Variants in CELSR1 observed in about 807,000 individuals in gnomAD.
The protein encoded by CELSR1 is adhesion G protein-coupled receptor C1.
A neutral mutation model predicts 249.1 loss-of-function variants in CELSR1; 110 were observed. The observed-to-expected ratio is 0.44, with a 90% CI of 0.38 to 0.52. CELSR1 has a LOEUF of 0.52. Ranked by LOEUF, CELSR1 falls within the 20% of genes least tolerant of loss-of-function variation. CELSR1 has a pLI of 0.00. For missense variants in CELSR1, 4,109 were observed against 4,296.4 expected, an observed-to-expected ratio of 0.96 and a Z score of 1.22; for synonymous variants, 2,113 against 1,900.0, an observed-to-expected ratio of 1.11 and a Z score of -2.92.
chr22:46,463,192 C>T (rs1347660438), intron 2 of CELSR1, among the ~76,000 whole-genome samples: 3 of 152,196 alleles, frequency 2.0e-5, no homozygotes, highest in East Asian at 1.9e-4. Flanking sequence ...CCGTGGGCTA[C>T]GGTCAGGGAA....
rs549671820 is a variant in CELSR1, at chr22:46,491,119, C to A, written c.3545-26774G>T. ...ATGGCCAGGACACAGAGCAGCATCC[C>A]CCACCTCCACCTACCAGATGCCAGT... On this transcript the variant is annotated intron_variant, in intron 1 of 34. Coordinates refer to ENST00000674500, the MANE Select transcript of CELSR1 (RefSeq NM_001378328.1). Among the ~76,000 whole-genome samples the A allele has an allele frequency of 3.9e-5, 6 of 152,186 alleles. No individual in the cohort carries two copies. The South Asian group carries it at 1.2e-3, about 32-fold the overall frequency.
At chr22:46,509,120 C>A (rs756748813) in intron 1 of CELSR1, among the ~76,000 whole-genome samples, 1 of 152,210 alleles carries the variant, frequency 6.6e-6, no homozygotes, top group Non-Finnish European at 1.5e-5. Context: ...CCAGGGCCTG[C>A]ACTGAGTGAG....
At chr22:46,493,545 C>CA (rs35527058) in intron 1 of CELSR1, among the ~76,000 whole-genome samples, 304 of 124,712 alleles carry the variant, frequency 2.4e-3, no homozygotes, top group African/African-American at 5.6e-3. Context: ...GACTCCGTCT[C>CA]AAAAAAAAAA....
intron 1 of CELSR1, among the ~76,000 whole-genome samples, chr22:46,519,378 C>G (rs991396152): frequency 6.6e-6 from 1 of 152,246 alleles, no homozygotes; most frequent in Non-Finnish European, 1.5e-5. Flanking sequence ...ACACTTGAAC[C>G]AGCGTGTGTA....
rs1415882572 is a variant in CELSR1 at position 46,377,087 on chromosome 22, T to C, written c.7558A>G (p.Ile2520Val). 6.2e-7 allele frequency: 1 copy of C among 1,613,166 alleles called. No individual in the cohort carries two copies. The highest frequency in any genetic ancestry group is 1.3e-5 in the African/African-American group (1 of 74,876). ...GGGTTTTCCGTCTGGTTGATCCCAATCACGAACACCAGCTGAGAGAGGAAG... is the reference window on the plus strand; with the variant it reads ...GGGTTTTCCGTCTGGTTGATCCCAACCACGAACACCAGCTGAGAGAGGAAG... ...ALFLSQLVFVIGINQTENPFL... is the reference protein window; with the variant it reads ...ALFLSQLVFVVGINQTENPFL... The change falls in exon 24 of 35, where the codon ATT becomes GTT. Residue 2520 changes from isoleucine to valine, a missense_variant. Physicochemically the swap from Ile to Val is conservative, Grantham distance 29 (BLOSUM62 3). Transcript: ENST00000674500.
At position 46,402,436 on chromosome 22, in the gene CELSR1, C is replaced by G. The variant is rs563562066; in HGVS notation, c.5227-2534G>C. On this transcript the variant is annotated intron_variant, in intron 9 of 34. Coordinates refer to ENST00000674500, the MANE Select transcript of CELSR1 (RefSeq NM_001378328.1). This position sits in a 1 kb window ranked among gnomAD's most constrained non-coding sequence, Gnocchi z 5.0. Reference sequence around the variant, plus strand: ...TTCTCCATGTTGGTCAGGCTGGTCTCGAACTCCTGACCTCAGGTGATCTGC... The same window carrying G: ...TTCTCCATGTTGGTCAGGCTGGTCTGGAACTCCTGACCTCAGGTGATCTGC... Among the ~76,000 whole-genome samples the G allele has an allele frequency of 1.3e-5, 2 of 152,164 alleles. No individual in the cohort carries two copies. Among genetic ancestry groups the G allele is most frequent in the East Asian group, 3.9e-4 (2 of 5,166 alleles).
chr22:46,473,953 C>T lies in CELSR1; in HGVS notation c.3545-9608G>A, dbSNP rs1386476871. ...CCTGCGTCTCACGAATGCAGGTTCACGTCACAGGAACAAGGGGACAAGCAC... is the reference window on the plus strand; with the variant it reads ...CCTGCGTCTCACGAATGCAGGTTCATGTCACAGGAACAAGGGGACAAGCAC... On this transcript the variant is annotated intron_variant, in intron 1 of 34. Transcript: ENST00000674500. This position sits in a 1 kb window ranked among gnomAD's most constrained non-coding sequence, Gnocchi z 6.6. Among the ~76,000 whole-genome samples, 5 of 152,132 alleles carry T rather than the reference C, an allele frequency of 3.3e-5. No individual in the cohort carries two copies. Among genetic ancestry groups the T allele is most frequent in the East Asian group, 1.9e-4 (1 of 5,200 alleles).
chr22:46,463,225 G>A (rs2080052485), intron 2 of CELSR1, among the ~76,000 whole-genome samples: 1 of 152,212 alleles, frequency 6.6e-6, no homozygotes, highest in African/African-American at 2.4e-5. Flanking sequence ...CTAAGAAAGT[G>A]CCATTGCTGG....
At chr22:46,387,480 A>G (rs1247187547) in intron 18 of CELSR1, among the ~76,000 whole-genome samples, 1 of 147,342 alleles carries the variant, frequency 6.8e-6, no homozygotes, top group African/African-American at 2.7e-5. Context: ...TCCCGGGTTC[A>G]AGCAATTCTC....
rs1322470357 is a variant in CELSR1 at position 46,428,840 on chromosome 22, G to A, written c.4611+4553C>T. Among the ~76,000 whole-genome samples the A allele has an allele frequency of 6.6e-6, 1 of 152,186 alleles. No homozygotes were observed. The highest frequency in any genetic ancestry group is 1.5e-5 in the Non-Finnish European group (1 of 68,026). On this transcript the variant is annotated intron_variant, in intron 5 of 34. Transcript: ENST00000674500. This position sits in a 1 kb window ranked among gnomAD's most constrained non-coding sequence, Gnocchi z 5.7. The stretch of plus-strand genomic sequence containing the variant: ...GCGGGCCACACTGCCTGGTGTCCAT[G>A]TCAGGCACTACCTCCCCTGCATGTC...
rs892587887 is a variant in CELSR1, at chr22:46,472,635, G to C, written c.3545-8290C>G. On this transcript the variant is annotated intron_variant, in intron 1 of 34. Transcript: ENST00000674500. This position sits in a 1 kb window ranked among gnomAD's most constrained non-coding sequence, Gnocchi z 7.0. Reference sequence around the variant, plus strand: ...GGGGACGGGTGGCATCAGCTCCCGGGGCCGTCGGAGCAAAGGGCCGCCGCT... The same window carrying C: ...GGGGACGGGTGGCATCAGCTCCCGGCGCCGTCGGAGCAAAGGGCCGCCGCT... Among the ~76,000 whole-genome samples, 3 of 152,204 alleles carry C rather than the reference G, an allele frequency of 2.0e-5. No homozygotes were observed. The highest frequency in any genetic ancestry group is 7.2e-5 in the African/African-American group (3 of 41,450).
At position 46,441,866 on chromosome 22, in the gene CELSR1, AAAG is replaced by A. The variant is rs2079753815; in HGVS notation, c.4184-2458_4184-2456del. On this transcript the variant is annotated intron_variant, in intron 2 of 34. Transcript: ENST00000674500. This position sits in a 1 kb window ranked among gnomAD's most constrained non-coding sequence, Gnocchi z 6.1. ...AACTTTATTATCCATTTTTAAAAAT[AAAG>A]AGATCACGGTGGCTCACGCCTGTAA... is the stretch of plus-strand genomic sequence containing the variant. Among the ~76,000 whole-genome samples the A allele has an allele frequency of 6.6e-6, 1 of 152,222 alleles. No homozygotes were observed. The highest frequency in any genetic ancestry group is 2.4e-5 in the African/African-American group (1 of 41,448).
chr22:46,424,706 C>T (rs984657515), intron 5 of CELSR1, among the ~76,000 whole-genome samples: 5 of 152,214 alleles, frequency 3.3e-5, no homozygotes, highest in Non-Finnish European at 7.3e-5. Context: ...GGTGCAGTGG[C>T]TTATGCCTGT....
rs1602097302 is a variant in CELSR1, at chr22:46,410,832, C to G, written c.4770-271G>C. ...CCCCGCCCACCCAGGCTGGTCCACACCGAGACAGGATGTGAGCGCAGGGAG... is the reference window on the plus strand; with the variant it reads ...CCCCGCCCACCCAGGCTGGTCCACAGCGAGACAGGATGTGAGCGCAGGGAG... On this transcript the variant is annotated intron_variant, in intron 6 of 34. Coordinates refer to ENST00000674500, the MANE Select transcript of CELSR1 (RefSeq NM_001378328.1). This position sits in a 1 kb window ranked among gnomAD's most constrained non-coding sequence, Gnocchi z 6.8. 6.6e-6 allele frequency among the ~76,000 whole-genome samples: 1 copy of G among 152,184 alleles called. No homozygotes were observed. Among genetic ancestry groups the G allele is most frequent in the South Asian group, 2.1e-4 (1 of 4,808 alleles).
At chr22:46,371,723 C>A (rs951918017) in intron 25 of CELSR1, among the ~76,000 whole-genome samples, 1 of 151,078 alleles carries the variant, frequency 6.6e-6, no homozygotes, top group African/African-American at 2.4e-5. Context: ...ATCTACCCAC[C>A]CATCCATCCA....
Position 46,535,732 on chromosome 22 carries a change from C to T in CELSR1, c.1439G>A (p.Arg480Gln). ...CTGGTCCCGGTCCGTGGCCTGCACTCGCAGCACAGCCGTGTTGAGCCCCAC... is the reference window on the plus strand; with the variant it reads ...CTGGTCCCGGTCCGTGGCCTGCACTTGCAGCACAGCCGTGTTGAGCCCCAC... ...EDVGLNTAVL[R>Q]VQATDRDQGQ... The change falls in exon 1 of 35, where the codon CGA (arginine) becomes CAA (glutamine). Residue 480 changes from arginine (R) to glutamine (Q), a missense_variant. This residue lies in a region of CELSR1 where 135 missense variants were observed against 190.0 expected (regional missense o/e 0.71). Transcript: ENST00000674500. 1 of 1,612,598 alleles carries T rather than the reference C, an allele frequency of 6.2e-7. No homozygotes were observed. The highest frequency in any genetic ancestry group is 1.1e-5 in the South Asian group (1 of 91,072).
chr22:46,465,110 C>A (rs942833193), intron 1 of CELSR1, among the ~76,000 whole-genome samples: 3 of 152,164 alleles, frequency 2.0e-5, no homozygotes, highest in African/African-American at 7.2e-5. Context: ...CGGTTCCAGG[C>A]CCAGAATTGG....
chr22:46,479,695 G>A (rs564461283), intron 1 of CELSR1, among the ~76,000 whole-genome samples: 2 of 151,210 alleles, frequency 1.3e-5, no homozygotes, highest in Non-Finnish European at 3.0e-5. Flanking sequence ...TATCACAGCC[G>A]GGAAGCAGCA....
rs2079586862 is a variant in CELSR1 at position 46,430,798 on chromosome 22, G to C, written c.4611+2595C>G. On this transcript the variant is annotated intron_variant, in intron 5 of 34. Transcript: ENST00000674500. The surrounding 1 kb of genome is among the most constrained non-coding windows in gnomAD (Gnocchi z 4.6). ...CCCAACCTGACTGGTCCTGCCCCCA[G>C]CTCAGGTGCACTCCAGAGGAGGCCT... 6.6e-6 allele frequency among the ~76,000 whole-genome samples: 1 copy of C among 151,982 alleles called. No homozygotes were observed.
Sources: allele counts gnomAD v4.1 joint callset (sites outside exome capture counted in the v4.1 genomes callset), GRCh38; gene constraint gnomAD v4.1.1; regional missense constraint gnomAD v4.1.1; non-coding constraint Gnocchi (gnomAD v3.1); transcripts MANE v1.5; gene names NCBI Gene and HGNC (gene_info 2026-07-23, HGNC 2026-07-21).